Variants in LAMB3 observed in about 807,000 individuals in gnomAD.
The protein encoded by LAMB3 is laminin subunit beta 3.
LAMB3 carries 104 observed loss-of-function variants against 140.3 expected under a neutral mutation model. That is an observed-to-expected ratio of 0.74 (90% CI 0.63 to 0.87). The LOEUF is 0.87. Ranked by LOEUF, LAMB3 falls within the 40% of genes least tolerant of loss-of-function variation. LAMB3 has a pLI of 0.00. For missense variants in LAMB3, 1,531 were observed against 1,575.2 expected (o/e 0.97, Z 0.47); for synonymous variants, 592 against 602.9 (o/e 0.98, Z 0.26).
In LAMB3 at chr1:209,637,958, G is replaced by C. The variant is rs748738681; in HGVS notation, c.322C>G (p.Leu108Val). The C allele has an allele frequency of 1.9e-6, 3 of 1,613,204 alleles. No individual in the cohort carries two copies. In the South Asian group the frequency reaches 3.3e-5, roughly 18 times the overall value. ...AGCTGGAATCTCCTGTCCAGGTCCA[G>C]CTGCAGAGAGACAGGGTTCACATCT... ...QNDVNPVSLQ[L>V]DLDRRFQLQE... Residue 108 changes from leucine (L) to valine (V), a missense_variant, in exon 5 of 23, where the codon CTG becomes GTG. Physicochemically the swap from Leu to Val is conservative, Grantham distance 32. Transcript: ENST00000356082.
rs370089561 is a variant in LAMB3, at chr1:209,627,499, C to T, written c.1369G>A (p.Val457Met). 9 of 1,614,086 alleles carry T rather than the reference C, an allele frequency of 5.6e-6. No homozygotes were observed. The highest frequency in any genetic ancestry group is 2.7e-5 in the African/African-American group (2 of 75,056). ...CACTGGTCACATTTGGGACCCACCA[C>T]GTTGGGCAGACAAAGGCAGCGCCCA... is the stretch of plus-strand genomic sequence containing the variant. ...ESGRCLCLPN[V>M]VGPKCDQCAP... Residue 457 changes from valine (V) to methionine (M), a missense_variant, in exon 12 of 23, where the codon GTG becomes ATG. Physicochemically the swap from Val to Met is conservative, Grantham distance 21. Coordinates refer to ENST00000356082, the MANE Select transcript of LAMB3 (RefSeq NM_000228.3).
intron 14 of LAMB3, 25 bp downstream of exon 14, chr1:209,625,623 A>C: frequency 1.2e-6 from 2 of 1,614,024 alleles, no homozygotes; most frequent in South Asian, 1.1e-5. Context: ...ATTCTTGCAA[A>C]TGCTTGGCAG....
At chr1:209,643,188 C>T (rs1337880423) in intron 3 of LAMB3, among the ~76,000 whole-genome samples, 2 of 152,224 alleles carry the variant, frequency 1.3e-5, no homozygotes, top group Non-Finnish European at 2.9e-5. Flanking sequence ...TTATCCTTCC[C>T]CTCTGGGTCT....
chr1:209,626,093 C>T, intron 13 of LAMB3, 67 bp from the exon 14 acceptor site: 2 of 1,552,260 alleles, frequency 1.3e-6, no homozygotes, highest in Non-Finnish European at 8.8e-7. Context: ...TCAGGGAGAG[C>T]CCTGAAGAGG....
Position 209,623,894 on chromosome 1 carries a change from T to C in LAMB3, c.2083A>G (p.Met695Val), listed in dbSNP as rs113725466. 1.7e-5 allele frequency: 27 copies of C among 1,614,124 alleles called. No homozygotes were observed. Among genetic ancestry groups the C allele is most frequent in the African/African-American group, 2.7e-5 (2 of 75,022 alleles). Residue 695 changes from methionine to valine, a missense_variant, in exon 15 of 23, where the codon ATG (methionine) becomes GTG (valine). Transcript: ENST00000356082. The surrounding 1 kb of genome is among the most constrained non-coding windows in gnomAD (Gnocchi z 4.2). ...AACTGCTCCCTCTTCCTCTGATACATAGTAAGGAGACCATTGAAGCTTCTG... is the reference window on the plus strand; with the variant it reads ...AACTGCTCCCTCTTCCTCTGATACACAGTAAGGAGACCATTGAAGCTTCTG... ...LDRSFNGLLT[M>V]YQRKREQFEK...
At chr1:209,617,646 C>T in intron 20 of LAMB3, 60 bp from the exon 21 acceptor site, 2 of 1,593,166 alleles carry the variant, frequency 1.3e-6, no homozygotes, top group Admixed American at 3.3e-5. Context: ...GGGGGTTCAT[C>T]CCCATTTTTT....
chr1:209,640,131 A>G lies in LAMB3; in HGVS notation c.184-1483T>C, dbSNP rs1286672219. ...CCAGGTCTCACCCAGTCTGCAAATGAAGAGAACTATCACCCTTCCTAGTGC... is the reference window on the plus strand; with the variant it reads ...CCAGGTCTCACCCAGTCTGCAAATGGAGAGAACTATCACCCTTCCTAGTGC... On this transcript the variant is annotated intron_variant, in intron 3 of 22. Coordinates refer to ENST00000356082, the MANE Select transcript of LAMB3 (RefSeq NM_000228.3). Among the ~76,000 whole-genome samples, 3 of 152,316 alleles carry G rather than the reference A, an allele frequency of 2.0e-5. 1 individual carries two copies. The South Asian group carries it at 6.2e-4, about 32-fold the overall frequency.
At chr1:209,638,031 C>A in intron 4 of LAMB3, 50 bp from the exon 5 acceptor site, 1 of 1,487,212 alleles carries the variant, frequency 6.7e-7, no homozygotes, top group East Asian at 2.3e-5. Flanking sequence ...TCCACTTCCC[C>A]AGCCCTGAAG....
At position 209,626,000 on chromosome 1, in the gene LAMB3, C is replaced by T. The variant is rs1326795374; in HGVS notation, c.1624G>A (p.Glu542Lys). The change falls in exon 14 of 23, where the codon GAG becomes AAG. Residue 542 changes from glutamate (E) to lysine (K), a missense_variant. Coordinates refer to ENST00000356082, the MANE Select transcript of LAMB3 (RefSeq NM_000228.3). ...RACDCDFRGT[E>K]GPGCDKASGR... ...GATGCCTTGTCGCAGCCCGGGCCCT[C>T]TGTTCCCCGGAAATCACAGTCACAG... is the stretch of plus-strand genomic sequence containing the variant. 6.2e-7 allele frequency: 1 copy of T among 1,613,098 alleles called. No individual in the cohort carries two copies. Among genetic ancestry groups the T allele is most frequent in the Non-Finnish European group, 8.5e-7 (1 of 1,179,416 alleles).
chr1:209,618,044 G>T lies in LAMB3; in HGVS notation c.2914C>A (p.Arg972=). Residue 972 remains arginine (R), a synonymous_variant, in exon 20 of 23, where the codon CGA becomes AGA. Coordinates refer to ENST00000356082, the MANE Select transcript of LAMB3 (RefSeq NM_000228.3). ...LQAEAEEARS[R]AHAVEGQVED... ...ACCTGGCCCTCCACTGCATGGGCTC[G>T]GCTCCTGGGTGAGAGAAGCAGCAGG... 1 of 1,614,092 alleles carries T rather than the reference G, an allele frequency of 6.2e-7. No individual in the cohort carries two copies. The highest frequency in any genetic ancestry group is 8.5e-7 in the Non-Finnish European group (1 of 1,180,024).
At chr1:209,638,991 G>A (rs1264682699) in intron 3 of LAMB3, among the ~76,000 whole-genome samples, 2 of 151,756 alleles carry the variant, frequency 1.3e-5, no homozygotes, top group Admixed American at 1.3e-4. Context: ...AAGGGGGGCG[G>A]GGGGAGAAAT....
chr1:209,635,308 C>T (rs995564858), intron 5 of LAMB3, among the ~76,000 whole-genome samples: 1 of 152,218 alleles, frequency 6.6e-6, no homozygotes, highest in Admixed American at 6.5e-5. Flanking sequence ...TCAGGGTCCC[C>T]TCCTGCCTGA....
At chr1:209,633,236 C>A (rs767060210) in intron 6 of LAMB3, 103 bp from the exon 7 acceptor site, 52 of 847,024 alleles carry the variant, frequency 6.1e-5, no homozygotes, top group Non-Finnish European at 1.2e-5. Flanking sequence ...ACTTGAAGTC[C>A]TTGTTACCTG....
chr1:209,625,773 G>C lies in LAMB3; in HGVS notation c.1851C>G (p.Asp617Glu). The change falls in exon 14 of 23, where the codon GAC becomes GAG. Residue 617 changes from aspartate (D) to glutamate (E), a missense_variant. Transcript: ENST00000356082. ...ASLWSGPGLE[D>E]RGLASRILDA... ...CTAGGATCCGGGAGGCCAGGCCACG[G>C]TCCTCCAGCCCAGGCCCTGACCACA... The C allele has an allele frequency of 6.2e-7, 1 of 1,614,138 alleles. No individual in the cohort carries two copies. The highest frequency in any genetic ancestry group is 8.5e-7 in the Non-Finnish European group (1 of 1,180,030).
intron 3 of LAMB3, among the ~76,000 whole-genome samples, chr1:209,645,953 G>A (rs1435780547): frequency 3.3e-5 from 5 of 152,196 alleles, no homozygotes; most frequent in Non-Finnish European, 7.3e-5. Flanking sequence ...GCGCCTGCGC[G>A]TATTAGAGAG....
chr1:209,633,174 A>C (rs2102435768), intron 6 of LAMB3, 41 bp from the exon 7 acceptor site: 39 of 1,406,602 alleles, frequency 2.8e-5, no homozygotes, highest in East Asian at 6.8e-5. Flanking sequence ...AGAAGAGACA[A>C]ATAGTGTGCC....
chr1:209,632,934 G>T (rs1666747894), intron 7 of LAMB3, 136 bp downstream of exon 7: 2 of 1,012,488 alleles, frequency 2.0e-6, no homozygotes, highest in Non-Finnish European at 1.6e-6. Flanking sequence ...TCCCTATGGG[G>T]CAAGCAGGGC....
chr1:209,631,661 T>C (rs1353340301), intron 8 of LAMB3, among the ~76,000 whole-genome samples: 1 of 152,236 alleles, frequency 6.6e-6, no homozygotes, highest in Non-Finnish European at 1.5e-5. Flanking sequence ...CCACCAGGGC[T>C]GGGTGGCTCC....
chr1:209,631,453 A>G (rs1447566322), intron 8 of LAMB3, among the ~76,000 whole-genome samples: 1 of 152,184 alleles, frequency 6.6e-6, no homozygotes, highest in African/African-American at 2.4e-5. Flanking sequence ...CTCCAGCTAG[A>G]ACGGCACCTC....
Sources: gnomAD v4.1 joint callset for allele counts (sites outside exome capture counted in the v4.1 genomes callset) on GRCh38, gnomAD v4.1.1 for gene constraint, Gnocchi (gnomAD v3.1) non-coding constraint, MANE v1.5 for transcripts, NCBI Gene and HGNC (gene_info 2026-07-23, HGNC 2026-07-21) for gene names.